The following SLC24A3 variants were observed in gnomAD, a reference collection of about 807,000 sequenced individuals.
SLC24A3 encodes solute carrier family 24 member 3, also known as sodium/potassium/calcium exchanger 3.
SLC24A3 carries 28 observed loss-of-function variants against 75.8 expected under a neutral mutation model. That is an observed-to-expected ratio of 0.37 (90% confidence interval 0.27 to 0.51). SLC24A3 has a LOEUF of 0.51. Ranked by LOEUF, SLC24A3 falls within the 20% of genes least tolerant of loss-of-function variation. The pLI is 0.94. For synonymous variants in SLC24A3, 372 were observed against 334.1 expected (o/e 1.11, Z -1.24); for missense variants, 663 against 847.8 (o/e 0.78, Z 2.71).
At chr20:19,674,587 A>G (rs1238903029) in intron 9 of SLC24A3, among the ~76,000 whole-genome samples, 1 of 152,196 alleles carries the variant, frequency 6.6e-6, no homozygotes, top group Admixed American at 6.5e-5. Flanking sequence ...GTCACACGCC[A>G]TTACTTCTAC....
chr20:19,261,628 C>A (rs77265976), intron 1 of SLC24A3: 1 of 152,278 alleles, frequency 6.6e-6, no homozygotes, highest in Non-Finnish European at 1.5e-5. Context: ...GAATTACAGA[C>A]GTGAGGCATT....
chr20:19,530,533 A>G (rs1490942643), intron 3 of SLC24A3, among the ~76,000 whole-genome samples: 1 of 152,200 alleles, frequency 6.6e-6, no homozygotes. Flanking sequence ...GACCTTCAAT[A>G]TGTCACTTGC....
intron 2 of SLC24A3, among the ~76,000 whole-genome samples, chr20:19,469,446 C>T (rs1029228041): frequency 3.9e-5 from 6 of 152,176 alleles, no homozygotes; most frequent in African/African-American, 1.4e-4. Flanking sequence ...CCCAAGCCGC[C>T]CCTGGTCAAC....
chr20:19,544,613 A>AT (rs34245557), intron 3 of SLC24A3, among the ~76,000 whole-genome samples: 46,380 of 150,992 alleles, frequency 0.31, 8,380 homozygotes, highest in Non-Finnish European at 0.41. Context: ...CCTCTGGGGC[A>AT]TTTTTTTTTA....
At chr20:19,511,182 C>T (rs909924086) in intron 2 of SLC24A3, among the ~76,000 whole-genome samples, 1 of 152,186 alleles carries the variant, frequency 6.6e-6, no homozygotes, top group Non-Finnish European at 1.5e-5. Flanking sequence ...CCCGATGCTT[C>T]CTGGGATCAC....
At chr20:19,352,128 G>A (rs1384133730) in intron 2 of SLC24A3, among the ~76,000 whole-genome samples, 2 of 151,804 alleles carry the variant, frequency 1.3e-5, no homozygotes, top group African/African-American at 4.8e-5. Context: ...TTGTCGGTGG[G>A]AGGGGCGGGG....
At chr20:19,220,457 T>G (rs562133337) in intron 1 of SLC24A3, among the ~76,000 whole-genome samples, 1 of 152,340 alleles carries the variant, frequency 6.6e-6, no homozygotes, top group South Asian at 2.1e-4. Context: ...AGGAGCAGGT[T>G]TCTTGATTAG....
rs367727366 is a variant in SLC24A3 at position 19,582,395 on chromosome 20, A to G, written c.423+2321A>G. ...TTGTGAAAGATGAGTGGGGAGAGAA[A>G]TCCACACTGTGCAACGAATCATTGC... On this transcript the variant is annotated intron_variant, in intron 4 of 16. Coordinates refer to ENST00000328041, the MANE Select transcript of SLC24A3 (RefSeq NM_020689.4). 6.6e-5 allele frequency among the ~76,000 whole-genome samples: 10 copies of G among 152,360 alleles called. 2 individuals are homozygous for G.
intron 2 of SLC24A3, among the ~76,000 whole-genome samples, chr20:19,329,580 C>A (rs572011484): frequency 8.5e-5 from 13 of 152,194 alleles, no homozygotes; most frequent in Non-Finnish European, 1.6e-4. Context: ...TTGTTTTATT[C>A]TATCATGAAG....
chr20:19,523,409 G>A (rs1403057532), intron 3 of SLC24A3, among the ~76,000 whole-genome samples: 1 of 152,200 alleles, frequency 6.6e-6, no homozygotes, highest in East Asian at 1.9e-4. Flanking sequence ...TAATTTGTCA[G>A]TGTCAACACA....
intron 2 of SLC24A3, among the ~76,000 whole-genome samples, chr20:19,309,899 C>T (rs1426001555): frequency 6.6e-6 from 1 of 152,086 alleles, no homozygotes; most frequent in Non-Finnish European, 1.5e-5. Flanking sequence ...GCTTTCACGC[C>T]CCAGGAGTGA....
Position 19,654,139 on chromosome 20 carries a change from G to A in SLC24A3, c.687+3G>A, listed in dbSNP as rs1221937050. ...TGTCTGTGATCGCGCTCATCGTGGT[G>A]AGTCACTCTGGCCATTTCAGCTCCC... On this transcript the variant is annotated splice_donor_region_variant and intron_variant, in intron 7 of 16. Transcript: ENST00000328041. 4 of 1,613,454 alleles carry A rather than the reference G, an allele frequency of 2.5e-6. No homozygotes were observed. Among genetic ancestry groups the A allele is most frequent in the Non-Finnish European group, 3.4e-6 (4 of 1,179,520 alleles).
intron 11 of SLC24A3, 148 bp downstream of exon 11, chr20:19,684,484 G>T: frequency 1.1e-6 from 1 of 918,648 alleles, no homozygotes. Flanking sequence ...TTAGTTCCCT[G>T]GGCCAGCTGT....
intron 6 of SLC24A3, among the ~76,000 whole-genome samples, chr20:19,641,326 C>G (rs1041527706): frequency 6.6e-6 from 1 of 152,204 alleles, no homozygotes; most frequent in Non-Finnish European, 1.5e-5. Flanking sequence ...CCCCAAGCCT[C>G]TGAGTCTTCC....
intron 2 of SLC24A3, among the ~76,000 whole-genome samples, chr20:19,385,749 C>T (rs1205138643): frequency 6.6e-6 from 1 of 151,932 alleles, no homozygotes; most frequent in Non-Finnish European, 1.5e-5. Flanking sequence ...TCAAATGATC[C>T]TCTTACCTCA....
At chr20:19,482,896 C>T (rs1284608377) in intron 2 of SLC24A3, among the ~76,000 whole-genome samples, 1 of 152,162 alleles carries the variant, frequency 6.6e-6, no homozygotes, top group Non-Finnish European at 1.5e-5. Context: ...AATTCAATTG[C>T]AAGGTTTATG....
chr20:19,598,782 C>A (rs983380040), intron 6 of SLC24A3, among the ~76,000 whole-genome samples: 1 of 152,044 alleles, frequency 6.6e-6, no homozygotes, highest in Non-Finnish European at 1.5e-5. Flanking sequence ...TTTTTCCACT[C>A]TCTTGCTCTG....
chr20:19,515,397 T>C, intron 2 of SLC24A3, 91 bp from the exon 3 acceptor site: 1 of 1,173,796 alleles, frequency 8.5e-7, no homozygotes. Context: ...TCCAAGTTCA[T>C]GGACCCCATG....
chr20:19,472,491 G>A (rs980650285), intron 2 of SLC24A3, among the ~76,000 whole-genome samples: 2 of 152,226 alleles, frequency 1.3e-5, no homozygotes, highest in Non-Finnish European at 2.9e-5. Context: ...GGACACTTCA[G>A]CTTCACACAT....
Sources: allele counts gnomAD v4.1 joint callset (sites outside exome capture counted in the v4.1 genomes callset), GRCh38; gene constraint gnomAD v4.1.1; transcripts MANE v1.5; gene names NCBI Gene and HGNC (gene_info 2026-07-23, HGNC 2026-07-21).